The following PTPRD variants were observed in gnomAD, a reference collection of about 807,000 sequenced individuals.
PTPRD encodes the protein receptor-type tyrosine-protein phosphatase delta.
Under a neutral mutation model 214.5 loss-of-function variants are expected in PTPRD, and 34 were observed. The observed-to-expected ratio is 0.16, with a 90% CI of 0.12 to 0.21. PTPRD has a LOEUF of 0.21. Ranked by LOEUF, PTPRD falls within the 10% of genes least tolerant of loss-of-function variation. PTPRD has a pLI of 1.00. For synonymous variants in PTPRD, 1,128 were observed against 845.7 expected, an observed-to-expected ratio of 1.33 and a Z score of -5.79; for missense variants, 2,545 against 2,398.7, an observed-to-expected ratio of 1.06 and a Z score of -1.27.
At chr9:8,436,516 A>G (rs2095356324) in intron 35 of PTPRD, 76 bp downstream of exon 35, 1 of 1,146,268 alleles carries the variant, frequency 8.7e-7, no homozygotes, top group East Asian at 2.4e-5. Context: ...TGATGAAGTT[A>G]ATTTTCAAGA....
chr9:9,588,043 G>A (rs1169276571), intron 7 of PTPRD, among the ~76,000 whole-genome samples: 1 of 151,884 alleles, frequency 6.6e-6, no homozygotes, highest in African/African-American at 2.4e-5. Flanking sequence ...CAAGATCATG[G>A]ATATCTCAAA....
chr9:9,645,457 GTATATATA>G (rs150506021), intron 7 of PTPRD, among the ~76,000 whole-genome samples: 39 of 134,386 alleles, frequency 2.9e-4, no homozygotes, highest in Admixed American at 2.8e-3. Context: ...CTACATATAT[GTATATATA>G]TATATATATA....
chr9:8,469,620 C>T (rs1231787400), intron 31 of PTPRD, among the ~76,000 whole-genome samples: 2 of 152,060 alleles, frequency 1.3e-5, no homozygotes, highest in Admixed American at 6.6e-5. Flanking sequence ...TAAAGGATTA[C>T]TATTTTCTGA....
At chr9:8,732,051 G>T (rs190645667) in intron 12 of PTPRD, among the ~76,000 whole-genome samples, 4 of 152,284 alleles carry the variant, frequency 2.6e-5, no homozygotes, top group Admixed American at 2.6e-4. Context: ...GATTTCTTTT[G>T]TAAGACTACA....
chr9:9,986,009 G>A (rs908519485), intron 4 of PTPRD, among the ~76,000 whole-genome samples: 2 of 152,074 alleles, frequency 1.3e-5, no homozygotes, highest in South Asian at 2.1e-4. Flanking sequence ...GAATAAGGAG[G>A]ACAGCTACAG....
intron 5 of PTPRD, among the ~76,000 whole-genome samples, chr9:9,897,571 G>T (rs2075340513): frequency 6.6e-6 from 1 of 151,850 alleles, no homozygotes; most frequent in Non-Finnish European, 1.5e-5. Context: ...ACCCCCATAG[G>T]AGTATCCTTG....
chr9:8,815,322 T>C (rs2096898937), intron 11 of PTPRD, among the ~76,000 whole-genome samples: 1 of 152,248 alleles, frequency 6.6e-6, no homozygotes, highest in South Asian at 2.1e-4. Context: ...TACTGAAACA[T>C]ACATTTTCCA....
chr9:9,842,373 T>C (rs1229602512), intron 5 of PTPRD, among the ~76,000 whole-genome samples: 1 of 138,114 alleles, frequency 7.2e-6, no homozygotes, highest in Non-Finnish European at 1.5e-5. Context: ...GTAGTAACAC[T>C]GTAGGATTTT....
At chr9:8,920,782 A>G (rs1371682128) in intron 11 of PTPRD, among the ~76,000 whole-genome samples, 3 of 151,962 alleles carry the variant, frequency 2.0e-5, no homozygotes, top group African/African-American at 7.3e-5. Flanking sequence ...TATTATTCCT[A>G]AGAAGCTTCT....
chr9:9,693,525 T>G (rs1210568446), intron 7 of PTPRD, among the ~76,000 whole-genome samples: 1 of 152,132 alleles, frequency 6.6e-6, no homozygotes, highest in Non-Finnish European at 1.5e-5. Context: ...GTCTGTTCTT[T>G]ATAGCCGTGT....
chr9:9,460,837 A>G (rs2145874341), intron 8 of PTPRD, among the ~76,000 whole-genome samples: 1 of 152,242 alleles, frequency 6.6e-6, no homozygotes, highest in African/African-American at 2.4e-5. Context: ...TACCCAAAGG[A>G]AAATAAATGA....
At chr9:10,042,304 T>C (rs894841811) in intron 3 of PTPRD, among the ~76,000 whole-genome samples, 5 of 151,932 alleles carry the variant, frequency 3.3e-5, no homozygotes, top group African/African-American at 1.2e-4. Context: ...AAAAGAGGCA[T>C]GCGGAGATAG....
chr9:9,511,675 T>C (rs1192016093), intron 8 of PTPRD, among the ~76,000 whole-genome samples: 1 of 151,796 alleles, frequency 6.6e-6, no homozygotes, highest in Non-Finnish European at 1.5e-5. Context: ...GGAATTATAT[T>C]TTTATTCTTT....
At chr9:9,138,273 T>C (rs150040158) in intron 10 of PTPRD, among the ~76,000 whole-genome samples, 3 of 152,188 alleles carry the variant, frequency 2.0e-5, no homozygotes, top group African/African-American at 7.2e-5. Flanking sequence ...ATCTCCTAAA[T>C]AGGGATATAA....
rs570990652 is a variant in PTPRD at position 10,050,033 on chromosome 9, T to C, written c.-544-16243A>G. On this transcript the variant is annotated intron_variant, in intron 3 of 45. Transcript: ENST00000381196. ...GAAGAAGGTTCTGTGAAGCCTGAGATCTCATCTGTTAGTGCCATTCCCTAT... is the reference window on the plus strand; with the variant it reads ...GAAGAAGGTTCTGTGAAGCCTGAGACCTCATCTGTTAGTGCCATTCCCTAT... 9.2e-5 allele frequency among the ~76,000 whole-genome samples: 14 copies of C among 152,290 alleles called. No individual in the cohort carries two copies. The East Asian group carries it at 2.5e-3, about 27-fold the overall frequency.
intron 11 of PTPRD, among the ~76,000 whole-genome samples, chr9:8,967,847 C>T (rs1278211955): frequency 6.6e-6 from 1 of 152,068 alleles, no homozygotes; most frequent in Admixed American, 6.6e-5. Context: ...TGGTGTGCTG[C>T]ATCCATTAAC....
chr9:9,271,826 C>G (rs1023924810), intron 9 of PTPRD, among the ~76,000 whole-genome samples: 3 of 151,118 alleles, frequency 2.0e-5, no homozygotes, highest in African/African-American at 4.8e-5. Flanking sequence ...CTATTATATT[C>G]AAAGGTATAA....
In PTPRD at chr9:8,460,539, G is replaced by A. The variant is rs200683418; in HGVS notation, c.3747C>T (p.Pro1249=). The change falls in exon 33 of 46, where the codon CCC becomes CCT. Residue 1249 remains proline, a synonymous_variant. Transcript: ENST00000381196. ...KMYATSPYSD[P]VVSMDLDPQP... ...GCGGATCCAGATCCATTGACACCAC[G>A]GGGTCGGAGTAAGGGCTGGTTGCAT... 6.9e-5 allele frequency: 111 copies of A among 1,613,390 alleles called. No homozygotes were observed. In the East Asian group the frequency reaches 1.5e-3, roughly 22 times the overall value.
chr9:10,348,057 A>G (rs1261213691), intron 2 of PTPRD, among the ~76,000 whole-genome samples: 1 of 152,098 alleles, frequency 6.6e-6, no homozygotes, highest in Admixed American at 6.6e-5. Flanking sequence ...GACTTCGTCT[A>G]AAAAAACAAA....
Sources: gnomAD v4.1 joint callset for allele counts (sites outside exome capture counted in the v4.1 genomes callset) on GRCh38, gnomAD v4.1.1 for gene constraint, MANE v1.5 for transcripts, NCBI Gene and HGNC (gene_info 2026-07-23, HGNC 2026-07-21) for gene names.